The following ZFYVE28 variants were observed in gnomAD, a reference collection of about 807,000 sequenced individuals.
ZFYVE28 encodes zinc finger FYVE-type containing 28.
ZFYVE28 carries 40 observed loss-of-function variants against 82.1 expected under a neutral mutation model. The ratio of observed to expected loss-of-function variants is 0.49; its 90% CI spans 0.38 to 0.63. The LOEUF (loss-of-function observed/expected upper bound fraction) is 0.63, where lower values mean the gene tolerates loss of function less well. ZFYVE28 is among the 30% of genes least tolerant of loss of function. The probability of loss-of-function intolerance (pLI) is 0.00; values close to 1 mark genes in which losing one functional copy is unlikely to be tolerated. For synonymous variants in ZFYVE28, 612 were observed against 546.1 expected (o/e 1.12, Z -1.68); for missense variants, 1,321 against 1,242.1 (o/e 1.06, Z -0.96).
chr4:2,414,594 A>G (rs2108691879), intron 1 of ZFYVE28, among the ~76,000 whole-genome samples: 1 of 152,362 alleles, frequency 6.6e-6, no homozygotes, highest in African/African-American at 2.4e-5. Context: ...CCACATGGGA[A>G]CTACCCCATC....
At chr4:2,291,411 G>A (rs1487007191) in intron 8 of ZFYVE28, among the ~76,000 whole-genome samples, 1 of 152,156 alleles carries the variant, frequency 6.6e-6, no homozygotes, top group Non-Finnish European at 1.5e-5. Context: ...TTGGGCTCAC[G>A]GGGAGGCCCC....
intron 10 of ZFYVE28, among the ~76,000 whole-genome samples, chr4:2,272,555 CAT>C (rs1736007119): frequency 1.3e-5 from 2 of 152,208 alleles, no homozygotes; most frequent in Non-Finnish European, 2.9e-5. Context: ...TGCGTGAGTA[CAT>C]GTGTGCACGT....
In ZFYVE28 at chr4:2,341,656, C is replaced by T. The variant is rs1722827667; in HGVS notation, c.181-41G>A. On this transcript the variant is annotated intron_variant, in intron 2 of 12. Coordinates refer to ENST00000290974, the MANE Select transcript of ZFYVE28 (RefSeq NM_020972.3). This position sits in a 1 kb window ranked among gnomAD's most constrained non-coding sequence, Gnocchi z 4.5. ...GGAGAAAGTGCGCCAATCGCTGTGT[C>T]CAGCTGGCGGCCGCCATGTACTGCT... 1 of 1,589,812 alleles carries T rather than the reference C, an allele frequency of 6.3e-7. No individual in the cohort carries two copies. Among genetic ancestry groups the T allele is most frequent in the Non-Finnish European group, 8.6e-7 (1 of 1,161,696 alleles).
rs1234778111 is a variant in ZFYVE28 at position 2,394,551 on chromosome 4, A to G, written c.39+23734T>C. On this transcript the variant is annotated intron_variant, in intron 1 of 12. Coordinates refer to ENST00000290974, the MANE Select transcript of ZFYVE28 (RefSeq NM_020972.3). The surrounding 1 kb of genome is among the most constrained non-coding windows in gnomAD (Gnocchi z 4.0). Reference sequence around the variant, plus strand: ...GTTGACCGCATGAGAAGGGTCATGAACCACAAGTTATGATGGCTCCAGCTG... The same window carrying G: ...GTTGACCGCATGAGAAGGGTCATGAGCCACAAGTTATGATGGCTCCAGCTG... Among the ~76,000 whole-genome samples the G allele has an allele frequency of 3.3e-5, 5 of 152,176 alleles. No homozygotes were observed. Among genetic ancestry groups the G allele is most frequent in the Admixed American group, 2.6e-4 (4 of 15,282 alleles).
In ZFYVE28 at chr4:2,270,525, G is replaced by C. The variant is rs571041315; in HGVS notation, c.*200C>G. The stretch of plus-strand genomic sequence containing the variant: ...CCCTGCTGGGCAAAGCTGACCTCTT[G>C]TTGGCCCCTGCAGCCGGCCCGGGGT... On this transcript the variant is annotated 3_prime_UTR_variant, in exon 13 of 13. Transcript: ENST00000290974. The C allele has an allele frequency of 2.6e-5, 19 of 742,744 alleles. No homozygotes were observed. Among genetic ancestry groups the C allele is most frequent in the South Asian group, 5.6e-5 (3 of 53,736 alleles). The allele number at this position is 742,744 out of a possible 1,614,324, so 46.0% of individuals were successfully genotyped here.
At chr4:2,364,894 G>A (rs1726668550) in intron 1 of ZFYVE28, 1 of 985,584 alleles carries the variant, frequency 1.0e-6, no homozygotes, top group African/African-American at 1.7e-5. Context: ...GACCCCGGAA[G>A]AGGCGGCGCG....
intron 1 of ZFYVE28, among the ~76,000 whole-genome samples, chr4:2,361,426 C>T (rs1344869418): frequency 6.6e-6 from 1 of 152,132 alleles, no homozygotes; most frequent in Non-Finnish European, 1.5e-5. Flanking sequence ...AGACGCGGTG[C>T]GCACGTGTGA....
chr4:2,418,348 C>G lies in ZFYVE28; in HGVS notation c.-25G>C. The G allele has an allele frequency of 6.7e-7, 1 of 1,490,366 alleles. No individual in the cohort carries two copies. Among genetic ancestry groups the G allele is most frequent in the Non-Finnish European group, 9.0e-7 (1 of 1,116,364 alleles). 92.3% of individuals were successfully genotyped at this position (1,490,366 alleles called of 1,614,324 possible). ...TCGCCGCGCCGGCCCTGGCCGGACTCCGGGCGGCCCTCGCCCTCCGCAGCG... is the reference window on the plus strand; with the variant it reads ...TCGCCGCGCCGGCCCTGGCCGGACTGCGGGCGGCCCTCGCCCTCCGCAGCG... On this transcript the variant is annotated 5_prime_UTR_variant, in exon 1 of 13. Transcript: ENST00000290974. The surrounding 1 kb of genome is among the most constrained non-coding windows in gnomAD (Gnocchi z 4.6).
chr4:2,401,692 C>T (rs528799475), intron 1 of ZFYVE28, among the ~76,000 whole-genome samples: 4 of 152,320 alleles, frequency 2.6e-5, no homozygotes, highest in Admixed American at 1.3e-4. Context: ...TGCCTCCTTG[C>T]GGTCCCCTCG....
chr4:2,356,313 G>A (rs1419788742), intron 1 of ZFYVE28, among the ~76,000 whole-genome samples: 7 of 152,154 alleles, frequency 4.6e-5, no homozygotes, highest in African/African-American at 1.4e-4. Context: ...GCACCCACTC[G>A]CTCTCCGGCA....
At position 2,408,538 on chromosome 4, in the gene ZFYVE28, G is replaced by T. The variant is rs1732166719; in HGVS notation, c.39+9747C>A. On this transcript the variant is annotated intron_variant, in intron 1 of 12. Transcript: ENST00000290974. This position sits in a 1 kb window ranked among gnomAD's most constrained non-coding sequence, Gnocchi z 4.3. ...CGGGGTGGACCAAAGGCCGCAGATGGTTCAGCTGGCTGACCCTTCCCAACT... is the reference window on the plus strand; with the variant it reads ...CGGGGTGGACCAAAGGCCGCAGATGTTTCAGCTGGCTGACCCTTCCCAACT... 6.6e-6 allele frequency among the ~76,000 whole-genome samples: 1 copy of T among 152,240 alleles called. No individual in the cohort carries two copies. The highest frequency in any genetic ancestry group is 2.4e-5 in the African/African-American group (1 of 41,462).
chr4:2,399,231 G>A (rs999131249), intron 1 of ZFYVE28, among the ~76,000 whole-genome samples: 2 of 151,800 alleles, frequency 1.3e-5, no homozygotes, highest in South Asian at 2.1e-4. Flanking sequence ...TGCACAATGT[G>A]GGGGGTTGAG....
At chr4:2,410,894 A>C (rs543980183) in intron 1 of ZFYVE28, among the ~76,000 whole-genome samples, 16 of 152,184 alleles carry the variant, frequency 1.1e-4, no homozygotes, top group Non-Finnish European at 2.4e-4. Flanking sequence ...TTATGTATAA[A>C]GCTGCTATGA....
At chr4:2,330,773 G>A in intron 6 of ZFYVE28, 4 of 1,521,644 alleles carry the variant, frequency 2.6e-6, no homozygotes, top group Non-Finnish European at 3.5e-6. Flanking sequence ...GTGGCAGTAG[G>A]GATAGGACAG....
At chr4:2,404,656 G>A (rs1026358372) in intron 1 of ZFYVE28, among the ~76,000 whole-genome samples, 1 of 152,164 alleles carries the variant, frequency 6.6e-6, no homozygotes, top group Non-Finnish European at 1.5e-5. Context: ...AAAGCCAACT[G>A]GAGGTTCCAG....
At chr4:2,277,083 C>T (rs983261155) in intron 8 of ZFYVE28, among the ~76,000 whole-genome samples, 31 of 152,256 alleles carry the variant, frequency 2.0e-4, no homozygotes, top group African/African-American at 5.8e-4. Flanking sequence ...GCGTGGCGCC[C>T]GACACAGAAG....
chr4:2,315,879 TTC>T (rs1718131262), intron 7 of ZFYVE28, among the ~76,000 whole-genome samples: 1 of 152,134 alleles, frequency 6.6e-6, no homozygotes, highest in African/African-American at 2.4e-5. Context: ...CTTCTCTCTT[TTC>T]TCTCTTTCTG....
intron 1 of ZFYVE28, among the ~76,000 whole-genome samples, chr4:2,360,832 G>A (rs1726046484): frequency 6.6e-6 from 1 of 152,198 alleles, no homozygotes; most frequent in Non-Finnish European, 1.5e-5. Flanking sequence ...ACCCTCAAGT[G>A]AGCCTGCGGG....
chr4:2,330,746 G>C, intron 6 of ZFYVE28: 1 of 1,492,742 alleles, frequency 6.7e-7, no homozygotes. Context: ...AGGGGACAGT[G>C]CGGGGGAGGG....
Sources: allele counts gnomAD v4.1 joint callset (sites outside exome capture counted in the v4.1 genomes callset), GRCh38; gene constraint gnomAD v4.1.1; non-coding constraint Gnocchi (gnomAD v3.1); transcripts MANE v1.5; gene names NCBI Gene and HGNC (gene_info 2026-07-23, HGNC 2026-07-21).